The following CSMD3 variants were observed in gnomAD, a reference collection of about 807,000 sequenced individuals.
CSMD3 encodes CUB and sushi domain-containing protein 3.
In CSMD3, 177 loss-of-function variants were observed where a neutral mutation model predicts 435.2. The ratio of observed to expected loss-of-function variants is 0.41; its 90% CI spans 0.36 to 0.46. CSMD3 has a LOEUF of 0.46. CSMD3 is among the 20% of genes least tolerant of loss of function. The probability of loss-of-function intolerance (pLI) is 0.34; values close to 1 mark genes in which losing one functional copy is unlikely to be tolerated. For missense variants in CSMD3, 4,265 were observed against 4,504.6 expected, an observed-to-expected ratio of 0.95 and a Z score of 1.52; for synonymous variants, 1,656 against 1,520.5, an observed-to-expected ratio of 1.09 and a Z score of -2.07.
In CSMD3 at chr8:112,645,197, A is replaced by G. The variant is rs762278181; in HGVS notation, c.3222T>C (p.Pro1074=). 22 of 1,599,240 alleles carry G rather than the reference A, an allele frequency of 1.4e-5. No homozygotes were observed. The highest frequency in any genetic ancestry group is 1.6e-4 in the Middle Eastern group (1 of 6,064). ...AACCAGGTGATAAGATTGTTCCACT[A>G]GGCCCTCTAACATCTCCTCCACATA... ...DALCGGDVRG[P]SGTILSPGYP... Residue 1074 remains proline (P), a synonymous_variant, in exon 20 of 71, where the codon CCT becomes CCC. Transcript: ENST00000297405.
chr8:113,270,867 C>G (rs913878225), intron 3 of CSMD3, among the ~76,000 whole-genome samples: 1 of 151,870 alleles, frequency 6.6e-6, no homozygotes, highest in Admixed American at 6.6e-5. Context: ...AGAGATATAC[C>G]TAATGTAAAT....
At chr8:112,535,559 G>GC (rs1172256935) in intron 27 of CSMD3, among the ~76,000 whole-genome samples, 50 of 148,774 alleles carry the variant, frequency 3.4e-4, no homozygotes, top group South Asian at 6.4e-4. Flanking sequence ...ATGCTCATGG[G>GC]TAGGAAGAAT....
chr8:113,176,934 A>G (rs1257184241), intron 3 of CSMD3, among the ~76,000 whole-genome samples: 1 of 151,906 alleles, frequency 6.6e-6, no homozygotes. Context: ...AAGAAAAGAA[A>G]ATGAATTACT....
intron 31 of CSMD3, among the ~76,000 whole-genome samples, chr8:112,483,402 A>G (rs1177633888): frequency 6.6e-6 from 1 of 152,158 alleles, no homozygotes; most frequent in African/African-American, 2.4e-5. Context: ...CTTAGGCAAG[A>G]GAACCAGGAG....
At chr8:113,043,287 T>C (rs191417691) in intron 5 of CSMD3, among the ~76,000 whole-genome samples, 2 of 152,318 alleles carry the variant, frequency 1.3e-5, no homozygotes, top group African/African-American at 2.4e-5. Context: ...CTTGCACTTT[T>C]ATGAAGACAT....
intron 40 of CSMD3, among the ~76,000 whole-genome samples, chr8:112,349,338 C>T (rs1016447549): frequency 2.6e-5 from 4 of 151,838 alleles, no homozygotes; most frequent in Non-Finnish European, 4.4e-5. Flanking sequence ...AATTCTTACA[C>T]GTTAACATCA....
At chr8:112,565,092 TA>T (rs1375869586) in intron 24 of CSMD3, among the ~76,000 whole-genome samples, 3 of 152,232 alleles carry the variant, frequency 2.0e-5, no homozygotes, top group African/African-American at 7.2e-5. Context: ...ATTGTCTATG[TA>T]AATGACAGTT....
chr8:112,414,650 A>G (rs1328503868), intron 32 of CSMD3, among the ~76,000 whole-genome samples: 2 of 152,192 alleles, frequency 1.3e-5, no homozygotes, highest in Admixed American at 6.5e-5. Context: ...GGTAAGAGGC[A>G]AAAGTTAGAA....
At chr8:113,114,089 G>T (rs1468849356) in intron 4 of CSMD3, among the ~76,000 whole-genome samples, 2 of 152,092 alleles carry the variant, frequency 1.3e-5, no homozygotes, top group Admixed American at 1.3e-4. Flanking sequence ...CAATGAGGTA[G>T]ATAGAGAAGT....
intron 31 of CSMD3, among the ~76,000 whole-genome samples, chr8:112,492,039 A>T (rs1282898393): frequency 6.6e-6 from 1 of 152,192 alleles, no homozygotes; most frequent in African/African-American, 2.4e-5. Flanking sequence ...GAAGAAATAC[A>T]TATTCTTCTT....
intron 1 of CSMD3, among the ~76,000 whole-genome samples, chr8:113,350,374 G>A (rs990586432): frequency 6.6e-6 from 1 of 152,118 alleles, no homozygotes; most frequent in South Asian, 2.1e-4. Flanking sequence ...AGGGATTCCA[G>A]GACCTAAAAT....
At chr8:112,623,327 C>T (rs1031534773) in intron 22 of CSMD3, among the ~76,000 whole-genome samples, 14 of 152,028 alleles carry the variant, frequency 9.2e-5, no homozygotes, top group Admixed American at 7.2e-4. Flanking sequence ...TTCTATTTGG[C>T]AGAATCAAGC....
rs745460909 is a variant in CSMD3 at position 113,019,125 on chromosome 8, T to C, written c.972A>G (p.Arg324=). ...GATTGCTGTCTGTAACAAAATGCAG[T>C]CTGAGCCAGTTTTTGTTGCTGATAA... The part of the protein sequence containing the change: ...PPIISNKNWL[R]LHFVTDSNHR... Residue 324 remains arginine (R), a synonymous_variant, in exon 6 of 71, where the codon AGA becomes AGG. Transcript: ENST00000297405. The C allele has an allele frequency of 2.5e-6, 4 of 1,613,728 alleles. No homozygotes were observed. Among genetic ancestry groups the C allele is most frequent in the Non-Finnish European group, 8.5e-7 (1 of 1,179,814 alleles).
At chr8:113,428,603 AGATGTAAAG>A (rs1328016910) in intron 1 of CSMD3, among the ~76,000 whole-genome samples, 2 of 151,844 alleles carry the variant, frequency 1.3e-5, no homozygotes, top group Non-Finnish European at 3.0e-5. Flanking sequence ...GAACTGTTTG[AGATGTAAAG>A]GACACTTTAG....
intron 9 of CSMD3, among the ~76,000 whole-genome samples, chr8:112,941,868 C>T (rs1260714127): frequency 1.3e-5 from 2 of 151,474 alleles, no homozygotes; most frequent in Non-Finnish European, 3.0e-5. Flanking sequence ...CCTCTCTCCC[C>T]ATCATAATAC....
chr8:113,219,275 A>C (rs2092940749), intron 3 of CSMD3, among the ~76,000 whole-genome samples: 1 of 151,342 alleles, frequency 6.6e-6, no homozygotes, highest in South Asian at 2.1e-4. Flanking sequence ...ACAATAGAGA[A>C]GAGAAGTAAA....
intron 19 of CSMD3, among the ~76,000 whole-genome samples, chr8:112,645,867 G>A (rs1236595936): frequency 6.6e-6 from 1 of 152,112 alleles, no homozygotes; most frequent in Non-Finnish European, 1.5e-5. Context: ...CAGTGCTTAT[G>A]GTATGCCAGG....
intron 1 of CSMD3, among the ~76,000 whole-genome samples, chr8:113,366,456 G>A (rs2094312120): frequency 6.6e-6 from 1 of 151,928 alleles, no homozygotes; most frequent in Non-Finnish European, 1.5e-5. Flanking sequence ...ACTAAGAACT[G>A]TATTTGATTT....
chr8:112,674,264 A>G (rs1174025422), intron 16 of CSMD3, among the ~76,000 whole-genome samples: 2 of 152,100 alleles, frequency 1.3e-5, no homozygotes. Flanking sequence ...TTTTACCTTT[A>G]GATCCTGTTT....
Sources: allele counts gnomAD v4.1 joint callset (sites outside exome capture counted in the v4.1 genomes callset), GRCh38; gene constraint gnomAD v4.1.1; transcripts MANE v1.5; gene names NCBI Gene and HGNC (gene_info 2026-07-23, HGNC 2026-07-21).